The following DMXL1 variants were observed in gnomAD, a reference collection of about 807,000 sequenced individuals.
The protein encoded by DMXL1 is dmX-like protein 1.
DMXL1 carries 99 observed loss-of-function variants against 319.2 expected under a neutral mutation model. The observed-to-expected ratio is 0.31, with a 90% CI of 0.26 to 0.37. The LOEUF (loss-of-function observed/expected upper bound fraction) is 0.37. Among genes scored for constraint, DMXL1 ranks in the 10% least tolerant of loss-of-function variants. The pLI, the probability that DMXL1 is intolerant of heterozygous loss-of-function variation, is 1.00. For missense variants in DMXL1, 3,745 were observed against 3,595.6 expected, an observed-to-expected ratio of 1.04 and a Z score of -1.06; for synonymous variants, 1,385 against 1,235.2, an observed-to-expected ratio of 1.12 and a Z score of -2.54.
Position 119,170,561 on chromosome 5 carries a change from T to C in DMXL1, c.5770T>C (p.Trp1924Arg). 1 of 1,613,946 alleles carries C rather than the reference T, an allele frequency of 6.2e-7. No individual in the cohort carries two copies. The highest frequency in any genetic ancestry group is 8.5e-7 in the Non-Finnish European group (1 of 1,179,906). ...AREDKSSAVD[W>R]SQSLINGFGS... The stretch of plus-strand genomic sequence containing the variant: ...GGAAGATAAGTCTTCTGCTGTTGAT[T>C]GGTCACAGTCACTGATAAATGGTTT... Residue 1924 changes from tryptophan to arginine, a missense_variant, in exon 24 of 44, where the codon TGG becomes CGG. Trp to Arg is a moderately radical substitution (Grantham distance 101). Coordinates refer to ENST00000539542, the MANE Select transcript of DMXL1 (RefSeq NM_001290321.3).
intron 5 of DMXL1, among the ~76,000 whole-genome samples, chr5:119,113,175 A>C (rs982205149): frequency 3.3e-5 from 5 of 152,194 alleles, no homozygotes; most frequent in African/African-American, 9.6e-5. Flanking sequence ...GTAATAATGT[A>C]GATCTGTACA....
In DMXL1 at chr5:119,071,518, G is replaced by A; in HGVS notation, c.-52G>A. 8 of 1,538,302 alleles carry A rather than the reference G, an allele frequency of 5.2e-6. No individual in the cohort carries two copies. The South Asian group carries it at 9.5e-5, about 18-fold the overall frequency. On this transcript the variant is annotated 5_prime_UTR_variant, in exon 1 of 44. Coordinates refer to ENST00000539542, the MANE Select transcript of DMXL1 (RefSeq NM_001290321.3). ...GGAAGGAGGGAGGGAAGCAGCCGCT[G>A]ACCCGTGGCATGAGCTGGATGCGGT...
intron 42 of DMXL1, among the ~76,000 whole-genome samples, chr5:119,243,946 A>G (rs796328197): frequency 3.5e-4 from 53 of 152,334 alleles, no homozygotes; most frequent in African/African-American, 1.0e-3. Flanking sequence ...CTCAGGGACA[A>G]CTTACTTGGA....
intron 1 of DMXL1, among the ~76,000 whole-genome samples, chr5:119,082,483 C>G (rs908349446): frequency 2.6e-5 from 4 of 152,086 alleles, no homozygotes. Flanking sequence ...CTGTATTACC[C>G]AGACTGGTCG....
rs371004758 is a variant in DMXL1 at position 119,148,859 on chromosome 5, C to T, written c.3032C>T (p.Thr1011Met). ...AGAGTAACAGATGGAGAATCTGCCA[C>T]GTCAAAGAATGGAAAAATTGATCTT... ...RCRVTDGESA[T>M]SKNGKIDLAY... Residue 1011 changes from threonine (T) to methionine (M), a missense_variant, in exon 18 of 44, where the codon ACG (threonine) becomes ATG (methionine). Coordinates refer to ENST00000539542, the MANE Select transcript of DMXL1 (RefSeq NM_001290321.3). 29 of 1,613,590 alleles carry T rather than the reference C, an allele frequency of 1.8e-5. No individual in the cohort carries two copies. Among genetic ancestry groups the T allele is most frequent in the South Asian group, 1.2e-4 (11 of 91,084 alleles).
In DMXL1 at chr5:119,178,065, T is replaced by C; in HGVS notation, c.6956T>C (p.Leu2319Pro). Residue 2319 changes from leucine to proline, a missense_variant, in exon 28 of 44, where the codon CTC becomes CCC. Transcript: ENST00000539542. The stretch of plus-strand genomic sequence containing the variant: ...GCCCAGTCAGGGCTTACAGTCTTGC[T>C]CTGTGAGATTCTCACAGCAGTGTAT... ...EEAQSGLTVL[L>P]CEILTAVYLS... 3 of 1,613,600 alleles carry C rather than the reference T, an allele frequency of 1.9e-6. No individual in the cohort carries two copies. The highest frequency in any genetic ancestry group is 2.5e-6 in the Non-Finnish European group (3 of 1,179,500).
chr5:119,237,411 C>T lies in DMXL1; in HGVS notation c.8556C>T (p.Tyr2852=). 4 of 1,589,152 alleles carry T rather than the reference C, an allele frequency of 2.5e-6. No individual in the cohort carries two copies. The highest frequency in any genetic ancestry group is 3.4e-6 in the Non-Finnish European group (4 of 1,162,632). The change falls in exon 40 of 44, where the codon TAC becomes TAT. Residue 2852 remains tyrosine (Y), a synonymous_variant. Transcript: ENST00000539542. The part of the protein sequence containing the change: ...CPVTGSMPKP[Y]LTWQCHNKTA... ...TTACTGGAAGCATGCCTAAGCCATA[C>T]CTGGTAAGCCAAGAATTTCTACCTT...
chr5:119,180,493 T>G (rs1776591063), intron 28 of DMXL1, among the ~76,000 whole-genome samples: 1 of 152,184 alleles, frequency 6.6e-6, no homozygotes, highest in Non-Finnish European at 1.5e-5. Flanking sequence ...CCCTCCCATT[T>G]GCCTTAAATT....
chr5:119,190,706 A>G (rs1190407165), intron 29 of DMXL1, among the ~76,000 whole-genome samples: 2 of 152,242 alleles, frequency 1.3e-5, no homozygotes, highest in Non-Finnish European at 2.9e-5. Flanking sequence ...CAGTGCTGCC[A>G]TTTGAAAGAC....
At chr5:119,130,817 T>C (rs181271268) in intron 10 of DMXL1, among the ~76,000 whole-genome samples, 7 of 152,306 alleles carry the variant, frequency 4.6e-5, no homozygotes, top group African/African-American at 1.7e-4. Flanking sequence ...CTTTTTCTTT[T>C]TTCTGTGAGT....
chr5:119,205,912 AG>A (rs1252048468), intron 33 of DMXL1, among the ~76,000 whole-genome samples: 1 of 152,116 alleles, frequency 6.6e-6, no homozygotes, highest in Non-Finnish European at 1.5e-5. Context: ...CCAGATGGTT[AG>A]GAGATACATA....
intron 10 of DMXL1, chr5:119,132,803 T>C (rs1302968895): frequency 1.7e-5 from 9 of 540,664 alleles, no homozygotes; most frequent in Admixed American, 2.3e-5. Context: ...GTAGGTGTTA[T>C]GGTAACAAAT....
chr5:119,082,020 T>TATACAC (rs1200957102), intron 1 of DMXL1, among the ~76,000 whole-genome samples: 1,920 of 108,026 alleles, frequency 0.018, 37 homozygotes, highest in Non-Finnish European at 0.026. Flanking sequence ...TATATATATA[T>TATACAC]ACACACACAC....
chr5:119,198,874 C>CTGGT (rs1464700953), intron 32 of DMXL1, among the ~76,000 whole-genome samples: 1 of 152,138 alleles, frequency 6.6e-6, no homozygotes, highest in African/African-American at 2.4e-5. Flanking sequence ...AGTACTAAGC[C>CTGGT]TGGTACCCAG....
chr5:119,210,394 T>C (rs1450185023), intron 34 of DMXL1, among the ~76,000 whole-genome samples: 1 of 152,218 alleles, frequency 6.6e-6, no homozygotes, highest in African/African-American at 2.4e-5. Flanking sequence ...TTCTAAGTGT[T>C]TTTGAGTTTC....
chr5:119,091,386 G>GT (rs560694997), intron 1 of DMXL1, among the ~76,000 whole-genome samples: 60 of 151,914 alleles, frequency 3.9e-4, no homozygotes, highest in African/African-American at 1.4e-3. Flanking sequence ...TTTTATTTTT[G>GT]TTTTTTTGTA....
intron 1 of DMXL1, 134 bp downstream of exon 1, chr5:119,071,790 G>A (rs1274157997): frequency 1.4e-6 from 1 of 720,420 alleles, no homozygotes; most frequent in Non-Finnish European, 2.2e-6. Context: ...CCAGAACCCA[G>A]CAGACCTGGC....
At chr5:119,176,498 T>C (rs1206083031) in intron 26 of DMXL1, among the ~76,000 whole-genome samples, 5 of 152,050 alleles carry the variant, frequency 3.3e-5, no homozygotes, top group Non-Finnish European at 7.4e-5. Flanking sequence ...TCTTTTTATC[T>C]TTCCTATCTA....
rs146669293 is a variant in DMXL1 at position 119,220,859 on chromosome 5, A to G, written c.8136-81A>G. The G allele has an allele frequency of 4.9e-4, 738 of 1,505,148 alleles. 10 individuals are homozygous for G. In the African/African-American group the frequency reaches 9.8e-3, roughly 20 times the overall value. 93.2% of individuals were successfully genotyped at this position (1,505,148 alleles called of 1,614,324 possible). A position where few individuals can be genotyped will look rare whatever the true frequency, so the allele number is the denominator to read the frequency against. On this transcript the variant is annotated intron_variant, in intron 36 of 43. Transcript: ENST00000539542. ...GAAAATTAATTTTAAAGGGAACTAT[A>G]AATTCAAATTTTAGACCTTTCAAGT... is the stretch of plus-strand genomic sequence containing the variant.
Sources: allele counts gnomAD v4.1 joint callset (sites outside exome capture counted in the v4.1 genomes callset), GRCh38; gene constraint gnomAD v4.1.1; transcripts MANE v1.5; gene names NCBI Gene and HGNC (gene_info 2026-07-23, HGNC 2026-07-21).